MAP7: variants seen among roughly 807,000 people sequenced by gnomAD.
The protein encoded by MAP7 is ensconsin.
Under a neutral mutation model 94.8 loss-of-function variants are expected in MAP7, and 52 were observed. The ratio of observed to expected loss-of-function variants is 0.55; its 90% CI spans 0.44 to 0.69. The LOEUF (loss-of-function observed/expected upper bound fraction) is 0.69. Ranked by LOEUF, MAP7 falls within the 30% of genes least tolerant of loss-of-function variation. The pLI is 0.00. For missense variants in MAP7, 940 were observed against 964.6 expected (o/e 0.97, Z 0.34); for synonymous variants, 350 against 357.0 (o/e 0.98, Z 0.22).
chr6:136,473,070 TG>T (rs1298940041), intron 1 of MAP7, among the ~76,000 whole-genome samples: 1 of 152,228 alleles, frequency 6.6e-6, no homozygotes, highest in Non-Finnish European at 1.5e-5. Context: ...TCTTTCATGC[TG>T]GCTCTTCTTT....
At chr6:136,347,646 T>A (rs1788055581) in intron 16 of MAP7, among the ~76,000 whole-genome samples, 1 of 152,168 alleles carries the variant, frequency 6.6e-6, no homozygotes, top group African/African-American at 2.4e-5. Context: ...CCTCGAGTGA[T>A]CTGCCCCCAT....
chr6:136,466,753 G>T, intron 1 of MAP7: 1 of 1,533,530 alleles, frequency 6.5e-7, no homozygotes, highest in Non-Finnish European at 8.7e-7. Context: ...TTGAGCCCAA[G>T]AACTTACAGT....
At chr6:136,501,352 G>A (rs1819775927) in intron 1 of MAP7, among the ~76,000 whole-genome samples, 1 of 152,096 alleles carries the variant, frequency 6.6e-6, no homozygotes. Flanking sequence ...GAGTCAGAGG[G>A]GCCTGAAAGC....
chr6:136,449,147 T>C (rs1300809415), intron 1 of MAP7, among the ~76,000 whole-genome samples: 1 of 151,862 alleles, frequency 6.6e-6, no homozygotes. Flanking sequence ...ATACAAAAAT[T>C]AGCCGGGCAT....
intron 1 of MAP7, among the ~76,000 whole-genome samples, chr6:136,538,459 C>T (rs1247895583): frequency 6.6e-6 from 1 of 152,146 alleles, no homozygotes; most frequent in Non-Finnish European, 1.5e-5. Flanking sequence ...GCAACATAAC[C>T]TATGTGGCAA....
At chr6:136,517,761 C>T (rs560069991) in intron 1 of MAP7, among the ~76,000 whole-genome samples, 1 of 137,520 alleles carries the variant, frequency 7.3e-6, no homozygotes, top group African/African-American at 3.1e-5. Context: ...CAAACTCTGA[C>T]CTGTACCACT....
chr6:136,461,090 A>C (rs970982926), intron 1 of MAP7, among the ~76,000 whole-genome samples: 2 of 152,200 alleles, frequency 1.3e-5, no homozygotes, highest in African/African-American at 4.8e-5. Flanking sequence ...TGTACACCTT[A>C]AAAATATTTA....
At chr6:136,444,536 AC>A (rs2128861762) in intron 1 of MAP7, among the ~76,000 whole-genome samples, 1 of 152,356 alleles carries the variant, frequency 6.6e-6, no homozygotes, top group African/African-American at 2.4e-5. Context: ...CTGACCATGG[AC>A]AATGTCAATA....
At chr6:136,374,970 T>G (rs781185899) in intron 7 of MAP7, among the ~76,000 whole-genome samples, 2 of 152,128 alleles carry the variant, frequency 1.3e-5, no homozygotes, top group African/African-American at 4.8e-5. Flanking sequence ...CCCAAATAGT[T>G]AATTAAACAT....
intron 1 of MAP7, among the ~76,000 whole-genome samples, chr6:136,496,328 A>G (rs958412879): frequency 3.3e-5 from 5 of 152,202 alleles, no homozygotes; most frequent in African/African-American, 9.7e-5. Context: ...ATCCTCTCAC[A>G]TCCCTCATTC....
intron 1 of MAP7, among the ~76,000 whole-genome samples, chr6:136,445,101 C>T (rs1485333949): frequency 1.3e-5 from 2 of 152,332 alleles, no homozygotes; most frequent in Admixed American, 6.5e-5. Context: ...ATCCACCCCA[C>T]ATTATGCCAA....
At chr6:136,541,647 T>A (rs996616604) in intron 1 of MAP7, among the ~76,000 whole-genome samples, 1 of 152,214 alleles carries the variant, frequency 6.6e-6, no homozygotes. Flanking sequence ...TCAATCCTCC[T>A]TGGCACTTTC....
rs752952554 is a variant in MAP7, at chr6:136,356,814, C to T, written c.1913-20G>A. The T allele has an allele frequency of 2.5e-6, 4 of 1,581,320 alleles. No homozygotes were observed. The highest frequency in any genetic ancestry group is 1.7e-5 in the Admixed American group (1 of 59,886). ...ACACCTCTGGGCATAGTAAAGGAGA[C>T]AGAACACAGGGTTACTAATATTCTT... On this transcript the variant is annotated intron_variant, in intron 15 of 17. Transcript: ENST00000354570.
intron 3 of MAP7, among the ~76,000 whole-genome samples, chr6:136,399,986 A>T (rs887763591): frequency 6.6e-6 from 1 of 152,220 alleles, no homozygotes; most frequent in Non-Finnish European, 1.5e-5. Context: ...TCATTAATAG[A>T]ATGGAAAAGT....
At chr6:136,506,245 A>G (rs1821477494) in intron 1 of MAP7, among the ~76,000 whole-genome samples, 1 of 152,194 alleles carries the variant, frequency 6.6e-6, no homozygotes, top group Admixed American at 6.5e-5. Flanking sequence ...GACTGTGGTA[A>G]TCAAAGAAAA....
Position 136,362,516 on chromosome 6 carries a change from C to T in MAP7, c.1460G>A (p.Arg487Lys), listed in dbSNP as rs773576519. ...EEATRLLAEK[R>K]RLAREQREKE... ...TTCTCTCTGCTCTCGGGCCAGCCGC[C>T]TCTTCTCAGCTAGAAGCCTTGTGGC... Residue 487 changes from arginine to lysine, a missense_variant, in exon 11 of 18, where the codon AGG becomes AAG. By Grantham distance (26) the Arg-to-Lys change is conservative. Transcript: ENST00000354570. The T allele has an allele frequency of 6.2e-7, 1 of 1,614,190 alleles. No individual in the cohort carries two copies. Among genetic ancestry groups the T allele is most frequent in the South Asian group, 1.1e-5 (1 of 91,082 alleles).
At chr6:136,467,021 G>T in intron 1 of MAP7, 2 of 748,442 alleles carry the variant, frequency 2.7e-6, no homozygotes, top group Non-Finnish European at 3.7e-6. Flanking sequence ...AGCAAAAACT[G>T]GGAAATGCTT....
chr6:136,421,799 G>A lies in MAP7; in HGVS notation c.68C>T (p.Ala23Val), dbSNP rs762259460. The A allele has an allele frequency of 3.1e-6, 5 of 1,599,906 alleles. No homozygotes were observed. The highest frequency in any genetic ancestry group is 4.3e-6 in the Non-Finnish European group (5 of 1,175,994). ...ATCTTGCACTTTGTAGCTGTCGGGT[G>A]CTACAGAAATGAGACAAAAGAGAAA... ...GGDGAVRSET[A>V]PDSYKVQDKK... Residue 23 changes from alanine to valine, a missense_variant and splice_region_variant, in exon 2 of 18, where the codon GCA becomes GTA. Transcript: ENST00000354570.
intron 1 of MAP7, among the ~76,000 whole-genome samples, chr6:136,499,492 A>G (rs1052175109): frequency 6.6e-6 from 1 of 152,094 alleles, no homozygotes; most frequent in African/African-American, 2.4e-5. Flanking sequence ...GATGACAGTA[A>G]CAGCCTGAAG....
Sources: allele counts gnomAD v4.1 joint callset (sites outside exome capture counted in the v4.1 genomes callset), GRCh38; gene constraint gnomAD v4.1.1; transcripts MANE v1.5; gene names NCBI Gene and HGNC (gene_info 2026-07-23, HGNC 2026-07-21).